The following PKP4 variants were observed in gnomAD, a reference collection of about 807,000 sequenced individuals.
PKP4 encodes plakophilin-4.
Under a neutral mutation model 145.1 loss-of-function variants are expected in PKP4, and 90 were observed. That is an observed-to-expected ratio of 0.62 (90% CI 0.52 to 0.74). PKP4 has a LOEUF of 0.74. Ranked by LOEUF, PKP4 falls within the 30% of genes least tolerant of loss-of-function variation. The pLI, the probability that PKP4 is intolerant of heterozygous loss-of-function variation, is 0.00. For missense variants in PKP4, 1,340 were observed against 1,482.7 expected (o/e 0.90, Z 1.58); for synonymous variants, 563 against 577.2 (o/e 0.98, Z 0.35).
intron 12 of PKP4, chr2:158,660,335 T>G (rs1210630390): frequency 6.6e-6 from 1 of 152,526 alleles, no homozygotes; most frequent in Non-Finnish European, 1.5e-5. Flanking sequence ...TAGGTTGTAT[T>G]AAAGACAAGG....
chr2:158,505,771 A>G (rs1301153565), intron 1 of PKP4, among the ~76,000 whole-genome samples: 1 of 151,948 alleles, frequency 6.6e-6, no homozygotes, highest in Non-Finnish European at 1.5e-5. Flanking sequence ...AAGCTGGGAG[A>G]GGGCATGCCA....
chr2:158,526,706 C>T, intron 1 of PKP4, among the ~76,000 whole-genome samples: 1 of 87,228 alleles, frequency 1.1e-5, no homozygotes, highest in Non-Finnish European at 2.2e-5. Context: ...TCCCTGTTTG[C>T]AGACGACATG....
At chr2:158,473,669 GGA>G (rs1451552516) in intron 1 of PKP4, among the ~76,000 whole-genome samples, 4 of 151,972 alleles carry the variant, frequency 2.6e-5, no homozygotes, top group African/African-American at 9.7e-5. Context: ...GAGGGTGGGA[GGA>G]GAGAGGGGGC....
chr2:158,559,337 G>A (rs1367195498), intron 2 of PKP4, among the ~76,000 whole-genome samples: 1 of 131,262 alleles, frequency 7.6e-6, no homozygotes, highest in African/African-American at 2.9e-5. Flanking sequence ...GTGGTAGACT[G>A]TGTTGTCCTT....
At chr2:158,680,318 A>G (rs529110101) in intron 21 of PKP4, 111 bp from the exon 22 acceptor site, 1 of 805,752 alleles carries the variant, frequency 1.2e-6, no homozygotes, top group Non-Finnish European at 2.0e-6. Context: ...TAAACTGCAA[A>G]TATTGAATAT....
intron 1 of PKP4, among the ~76,000 whole-genome samples, chr2:158,483,764 A>G (rs1020063167): frequency 7.5e-6 from 1 of 134,046 alleles, no homozygotes; most frequent in East Asian, 2.3e-4. Context: ...ATTAGAACCA[A>G]TTGAATTTGG....
chr2:158,513,441 T>C (rs1266288578), intron 1 of PKP4, among the ~76,000 whole-genome samples: 6 of 152,120 alleles, frequency 3.9e-5, no homozygotes, highest in Non-Finnish European at 2.9e-5. Flanking sequence ...AGGACAAGGT[T>C]TCCTAGGATT....
At chr2:158,619,705 T>C (rs2052008445) in intron 4 of PKP4, among the ~76,000 whole-genome samples, 1 of 152,162 alleles carries the variant, frequency 6.6e-6, no homozygotes, top group South Asian at 2.1e-4. Context: ...ATTTGCTTGT[T>C]CAACAAATAT....
intron 1 of PKP4, among the ~76,000 whole-genome samples, chr2:158,519,473 A>G (rs1034158542): frequency 6.6e-6 from 1 of 152,030 alleles, no homozygotes; most frequent in Non-Finnish European, 1.5e-5. Flanking sequence ...GTAGGCGCTG[A>G]CCACCCAGCT....
At chr2:158,603,035 A>G in intron 3 of PKP4, 35 bp from the exon 4 acceptor site, 2 of 1,341,920 alleles carry the variant, frequency 1.5e-6, no homozygotes, top group Non-Finnish European at 2.1e-6. Context: ...GACAAAATAA[A>G]TAAATGTTCC....
chr2:158,590,572 C>T (rs1048003598), intron 3 of PKP4, among the ~76,000 whole-genome samples: 1 of 151,602 alleles, frequency 6.6e-6, no homozygotes, highest in African/African-American at 2.4e-5. Context: ...CTAATGCTTA[C>T]AAAGTACAAA....
At chr2:158,639,852 C>A (rs1439837554) in intron 9 of PKP4, among the ~76,000 whole-genome samples, 1 of 152,202 alleles carries the variant, frequency 6.6e-6, no homozygotes, top group South Asian at 2.1e-4. Context: ...CGTGGCCAGG[C>A]GCATGGCCTT....
chr2:158,638,233 AT>A (rs1245089797), intron 9 of PKP4, among the ~76,000 whole-genome samples: 1 of 152,234 alleles, frequency 6.6e-6, no homozygotes, highest in Admixed American at 6.5e-5. Flanking sequence ...AGAATAGCTC[AT>A]TTTTTAGGGA....
chr2:158,590,316 T>TGA, intron 3 of PKP4, among the ~76,000 whole-genome samples: 1 of 88,250 alleles, frequency 1.1e-5, no homozygotes, highest in South Asian at 3.4e-4. Context: ...GTCTTGAGTG[T>TGA]GTGTGTGTGT....
intron 3 of PKP4, among the ~76,000 whole-genome samples, chr2:158,582,095 A>C (rs796311357): frequency 7.2e-5 from 11 of 152,368 alleles, no homozygotes; most frequent in African/African-American, 2.6e-4. Context: ...GCCTCATTTA[A>C]TAGAGCAGTT....
rs34272669 is a variant in PKP4, at chr2:158,498,814, GTT to G, written c.-5-34349_-5-34348del. On this transcript the variant is annotated intron_variant, in intron 1 of 21. Transcript: ENST00000389759. Reference sequence around the variant, plus strand: ...TGCCTGCATTAGGTGGGTTGTGAGTGTTTTTTTTTTTTTTTTTTCCTTCAGGG... The same window carrying G: ...TGCCTGCATTAGGTGGGTTGTGAGTGTTTTTTTTTTTTTTTTCCTTCAGGG... 2.2e-3 allele frequency among the ~76,000 whole-genome samples: 289 copies of G among 131,120 alleles called. 3 individuals carry two copies. Among genetic ancestry groups the G allele is most frequent in the East Asian group, 0.017 (76 of 4,396 alleles). 86.0% of individuals were successfully genotyped at this position (131,120 alleles called of 152,430 possible). A position where few individuals can be genotyped will look rare whatever the true frequency, so the allele number is the denominator to read the frequency against.
At chr2:158,459,661 CAT>C in intron 1 of PKP4, among the ~76,000 whole-genome samples, 1 of 152,230 alleles carries the variant, frequency 6.6e-6, no homozygotes, top group Admixed American at 6.5e-5. Flanking sequence ...GTAACAGTAT[CAT>C]ATTACAGCAG....
chr2:158,510,662 A>C (rs2105525533), intron 1 of PKP4, among the ~76,000 whole-genome samples: 1 of 152,342 alleles, frequency 6.6e-6, no homozygotes, highest in Non-Finnish European at 1.5e-5. Context: ...CTTTGAAATG[A>C]TAAGAAGAGC....
chr2:158,591,209 C>G (rs1157887159), intron 3 of PKP4, among the ~76,000 whole-genome samples: 1 of 151,884 alleles, frequency 6.6e-6, no homozygotes, highest in East Asian at 1.9e-4. Flanking sequence ...ACATATGGAC[C>G]TTGTTTTGGT....
Sources: allele counts gnomAD v4.1 joint callset (sites outside exome capture counted in the v4.1 genomes callset), GRCh38; gene constraint gnomAD v4.1.1; transcripts MANE v1.5; gene names NCBI Gene and HGNC (gene_info 2026-07-23, HGNC 2026-07-21).